ANOS1: variants seen among roughly 807,000 people sequenced by gnomAD.
ANOS1 encodes the protein anosmin-1.
ANOS1 carries 6 observed loss-of-function variants against 59.0 expected under a neutral mutation model. The ratio of observed to expected loss-of-function variants is 0.10; its 90% CI spans 0.06 to 0.20. ANOS1 has a LOEUF of 0.20. ANOS1 is among the 10% of genes least tolerant of loss of function. ANOS1 has a pLI of 1.00. For missense variants in ANOS1, 433 were observed against 542.3 expected, an observed-to-expected ratio of 0.80 and a Z score of 2.00; for synonymous variants, 217 against 223.4, an observed-to-expected ratio of 0.97 and a Z score of 0.25.
intron 2 of ANOS1, among the ~76,000 whole-genome samples, chrX:8,675,306 G>A (rs768099334): frequency 1.8e-5 from 2 of 111,649 alleles, no homozygotes; most frequent in Admixed American, 9.5e-5. Context: ...CAAAACATAT[G>A]GTAATACATA....
intron 1 of ANOS1, among the ~76,000 whole-genome samples, chrX:8,709,230 A>C (rs1932796992): frequency 9.1e-6 from 1 of 109,437 alleles, no homozygotes; most frequent in Non-Finnish European, 1.9e-5. Flanking sequence ...ACAAACCTGA[A>C]AGTTCTGCAC....
chrX:8,655,204 C>T (rs1931912230), intron 2 of ANOS1, among the ~76,000 whole-genome samples: 3 of 111,386 alleles, frequency 2.7e-5, no homozygotes, highest in Non-Finnish European at 5.6e-5. Context: ...GAGCCCTGAG[C>T]TTGTTTTCCT....
At chrX:8,605,932 T>C (rs12850056) in intron 3 of ANOS1, among the ~76,000 whole-genome samples, 39,197 of 101,576 alleles carry the variant, frequency 0.39, 5,751 homozygotes, top group South Asian at 0.46. Context: ...GCAATGTCTA[T>C]ATAATTCTAA....
intron 11 of ANOS1, among the ~76,000 whole-genome samples, chrX:8,536,188 C>CT (rs1304219147): frequency 0.031 from 989 of 31,849 alleles, 153 homozygotes; most frequent in African/African-American, 0.097. Context: ...AAATCCGAAG[C>CT]TTTTTTTTTT....
At position 8,711,309 on chromosome X, in the gene ANOS1, C is replaced by G. The variant is rs138716205; in HGVS notation, c.208-11564G>C. Among the ~76,000 whole-genome samples the G allele has an allele frequency of 2.7e-3, 299 of 112,427 alleles. 1 individual carries two copies. Among genetic ancestry groups the G allele is most frequent in the African/African-American group, 8.9e-3 (277 of 30,978 alleles). The stretch of plus-strand genomic sequence containing the variant: ...TTAATAGCAATTCAAGTTCAACAGT[C>G]TCCCTTTGTAGATGAGTCAATTGGG... On this transcript the variant is annotated intron_variant, in intron 1 of 13. Coordinates refer to ENST00000262648, the MANE Select transcript of ANOS1 (RefSeq NM_000216.4).
At chrX:8,726,372 T>A (rs1324427240) in intron 1 of ANOS1, among the ~76,000 whole-genome samples, 2 of 111,564 alleles carry the variant, frequency 1.8e-5, no homozygotes, top group Non-Finnish European at 3.8e-5. Flanking sequence ...TAACGTCCCA[T>A]TAAGGAAGAA....
At chrX:8,676,764 A>G in intron 2 of ANOS1, among the ~76,000 whole-genome samples, 1 of 112,103 alleles carries the variant, frequency 8.9e-6, no homozygotes, top group Non-Finnish European at 1.9e-5. Context: ...TTACAGTGTT[A>G]CAAAATTAAA....
At chrX:8,694,981 A>C (rs1017553159) in intron 2 of ANOS1, among the ~76,000 whole-genome samples, 51 of 111,787 alleles carry the variant, frequency 4.6e-4, no homozygotes, top group African/African-American at 1.5e-3. Context: ...AAAATAAGTG[A>C]TTGTAAAGGC....
intron 2 of ANOS1, among the ~76,000 whole-genome samples, chrX:8,665,857 C>T (rs142438701): frequency 0.029 from 3,203 of 111,777 alleles, 91 homozygotes; most frequent in African/African-American, 0.081. Flanking sequence ...ACATTTAAAA[C>T]GTTGGCATTT....
chrX:8,615,126 G>A (rs981907209), intron 3 of ANOS1, among the ~76,000 whole-genome samples: 4 of 110,834 alleles, frequency 3.6e-5, no homozygotes, highest in Non-Finnish European at 5.7e-5. Flanking sequence ...CTCTTCATTG[G>A]TGCCCAAGTA....
intron 1 of ANOS1, among the ~76,000 whole-genome samples, chrX:8,718,518 C>T (rs1477754672): frequency 8.9e-6 from 1 of 112,513 alleles, no homozygotes; most frequent in East Asian, 2.8e-4. Context: ...AACATGTTCA[C>T]AACAACTGGC....
At chrX:8,674,171 T>C (rs994329810) in intron 2 of ANOS1, among the ~76,000 whole-genome samples, 1 of 111,981 alleles carries the variant, frequency 8.9e-6, no homozygotes, top group African/African-American at 3.2e-5. Context: ...ATAGAAATAA[T>C]CTGGGACTCC....
At chrX:8,664,878 A>G in intron 2 of ANOS1, among the ~76,000 whole-genome samples, 1 of 111,626 alleles carries the variant, frequency 9.0e-6, no homozygotes, top group East Asian at 2.8e-4. Flanking sequence ...TTTTTGAAGA[A>G]CTCAGTGATT....
intron 3 of ANOS1, among the ~76,000 whole-genome samples, chrX:8,622,088 C>G (rs1195924893): frequency 9.0e-6 from 1 of 111,473 alleles, no homozygotes; most frequent in Non-Finnish European, 1.9e-5. Flanking sequence ...CCCAAACCCA[C>G]TATGACCCCT....
At chrX:8,692,552 T>C (rs946034536) in intron 2 of ANOS1, among the ~76,000 whole-genome samples, 1 of 110,989 alleles carries the variant, frequency 9.0e-6, no homozygotes, top group Non-Finnish European at 1.9e-5. Flanking sequence ...CCCACACATA[T>C]GCTTCTCCCC....
In ANOS1 at chrX:8,615,559, AG is replaced by A. The variant is rs139943189; in HGVS notation, c.318+8048del. The stretch of plus-strand genomic sequence containing the variant: ...CCCTGTCTCAAAAAAAAAAAAAAAA[AG>A]AAAAGAAAAGAAAAGAAAATTGTCT... On this transcript the variant is annotated intron_variant, in intron 3 of 13. Coordinates refer to ENST00000262648, the MANE Select transcript of ANOS1 (RefSeq NM_000216.4). Among the ~76,000 whole-genome samples, 362 of 99,763 alleles carry A rather than the reference AG, an allele frequency of 3.6e-3. 2 individuals carry two copies. Among genetic ancestry groups the A allele is most frequent in the African/African-American group, 6.0e-3 (160 of 26,889 alleles). The allele number at this position is 99,763 out of a possible 115,157, so 86.6% of individuals were successfully genotyped here. A position where few individuals can be genotyped will look rare whatever the true frequency, so the allele number is the denominator to read the frequency against.
chrX:8,541,564 G>C (rs1458554106), intron 9 of ANOS1, among the ~76,000 whole-genome samples: 1 of 95,153 alleles, frequency 1.1e-5, no homozygotes, highest in Non-Finnish European at 2.1e-5. Context: ...TGTAGCAGTG[G>C]GTAGTGGCAC....
chrX:8,687,659 T>C (rs1932545076), intron 2 of ANOS1, among the ~76,000 whole-genome samples: 1 of 108,624 alleles, frequency 9.2e-6, no homozygotes. Context: ...ATGTTTTGAG[T>C]AGTGAATCTT....
chrX:8,666,145 A>G (rs1168149597), intron 2 of ANOS1, among the ~76,000 whole-genome samples: 2 of 111,669 alleles, frequency 1.8e-5, no homozygotes, highest in Non-Finnish European at 3.8e-5. Flanking sequence ...GCAGTGAGCT[A>G]CAATCACGCC....
Sources: gnomAD v4.1 joint callset for allele counts (sites outside exome capture counted in the v4.1 genomes callset) on GRCh38, gnomAD v4.1.1 for gene constraint, MANE v1.5 for transcripts, NCBI Gene and HGNC (gene_info 2026-07-23, HGNC 2026-07-21) for gene names.